Variants in TLE3 observed in about 807,000 individuals in gnomAD.
TLE3 encodes TLE family member 3, transcriptional corepressor.
Under a neutral mutation model 93.0 loss-of-function variants are expected in TLE3, and 14 were observed. That is an observed-to-expected ratio of 0.15 (90% CI 0.10 to 0.24). The LOEUF (loss-of-function observed/expected upper bound fraction) is 0.24. Among genes scored for constraint, TLE3 ranks in the 10% least tolerant of loss-of-function variants. The pLI, the probability that TLE3 is intolerant of heterozygous loss-of-function variation, is 1.00. For missense variants in TLE3, 693 were observed against 1,046.6 expected (o/e 0.66, Z 4.66); for synonymous variants, 451 against 425.0 (o/e 1.06, Z -0.75).
intron 3 of TLE3, 32 bp downstream of exon 3, chr15:70,095,546 A>C (rs1384546402): frequency 6.5e-7 from 1 of 1,547,958 alleles, no homozygotes; most frequent in Non-Finnish European, 8.7e-7. Context: ...TCGGCGCCCC[A>C]ACCGCCCCCC....
chr15:70,065,983 C>CCCCCCCCCCCCA, intron 7 of TLE3, 31 bp downstream of exon 7: 88 of 1,465,764 alleles, frequency 6.0e-5, no homozygotes, highest in African/African-American at 9.7e-5. Context: ...ACCCCTGCCC[C>CCCCCCCCCCCCA]GCCCCACCCT....
In TLE3 at chr15:70,049,514, TA is replaced by T. The variant is rs11324999; in HGVS notation, c.*582del. Reference sequence around the variant, plus strand: ...TCCCAGGTGAGAGCATCTGTTTATTTAAAAAAAAAAAAAAAAAAAAGCCACC... The same window carrying T: ...TCCCAGGTGAGAGCATCTGTTTATTTAAAAAAAAAAAAAAAAAAAGCCACC... On this transcript the variant is annotated 3_prime_UTR_variant, in exon 20 of 20. Coordinates refer to ENST00000451782, the MANE Select transcript of TLE3 (RefSeq NM_001105192.3). 37,972 of 122,010 alleles carry T rather than the reference TA, an allele frequency of 0.31. 5,814 individuals carry two copies. Among genetic ancestry groups the T allele is most frequent in the Admixed American group, 0.41 (4,987 of 12,210 alleles). 7.6% of individuals were successfully genotyped at this position (122,010 alleles called of 1,614,324 possible).
rs1182603460 is a variant in TLE3 at position 70,058,090 on chromosome 15, G to C, written c.1051+69C>G. ...TATCCCATGCGTGTGTGTCACCCCT[G>C]CCCTGGCCAAGAGCAGACCCCCTCC... On this transcript the variant is annotated intron_variant, in intron 12 of 19. Coordinates refer to ENST00000451782, the MANE Select transcript of TLE3 (RefSeq NM_001105192.3). This position sits in a 1 kb window ranked among gnomAD's most constrained non-coding sequence, Gnocchi z 4.1. 2 of 1,608,122 alleles carry C rather than the reference G, an allele frequency of 1.2e-6. No individual in the cohort carries two copies. The highest frequency in any genetic ancestry group is 4.5e-5 in the East Asian group (2 of 44,726).
In TLE3 at chr15:70,057,490, T is replaced by C. The variant is rs773991766; in HGVS notation, c.1220A>G (p.Tyr407Cys). 10 of 1,608,350 alleles carry C rather than the reference T, an allele frequency of 6.2e-6. No individual in the cohort carries two copies. Among genetic ancestry groups the C allele is most frequent in the Non-Finnish European group, 4.2e-6 (5 of 1,177,652 alleles). The change falls in exon 13 of 20, where the codon TAT becomes TGT. Residue 407 changes from tyrosine to cysteine, a missense_variant. Tyr to Cys is a radical substitution (Grantham distance 194). Coordinates refer to ENST00000451782, the MANE Select transcript of TLE3 (RefSeq NM_001105192.3). Reference sequence around the variant, plus strand: ...AAAGCTCACCATTGGCGATCGGCCATAGGCAGCGGCTGCAGCAGCGGCGGC... The same window carrying C: ...AAAGCTCACCATTGGCGATCGGCCACAGGCAGCGGCTGCAGCAGCGGCGGC... The part of the protein sequence containing the change: ...SAAAAAAAAA[Y>C]GRSPMVSFGA...
intron 3 of TLE3, 118 bp downstream of exon 3, chr15:70,095,460 G>T (rs776753838): frequency 1.3e-6 from 2 of 1,543,724 alleles, no homozygotes; most frequent in Admixed American, 4.0e-5. Context: ...CCCTCTCTCA[G>T]GGCCGCCCTG....
chr15:70,055,623 A>C, intron 14 of TLE3: 1 of 284,722 alleles, frequency 3.5e-6, no homozygotes, highest in Non-Finnish European at 6.6e-6. Context: ...GCCTGGCTGA[A>C]ATGCCACCTC....
intron 4 of TLE3, among the ~76,000 whole-genome samples, chr15:70,089,773 C>T (rs1298492576): frequency 6.6e-6 from 1 of 152,170 alleles, no homozygotes; most frequent in Non-Finnish European, 1.5e-5. Context: ...AACAATGAGA[C>T]AGAATGACAT....
intron 1 of TLE3, chr15:70,096,496 G>T: frequency 1.7e-6 from 2 of 1,193,104 alleles, no homozygotes; most frequent in African/African-American, 3.1e-5. Flanking sequence ...AGTAAGGCGG[G>T]GGCGGGAGAC....
chr15:70,072,881 T>A (rs1309399905), intron 6 of TLE3, among the ~76,000 whole-genome samples: 1 of 152,236 alleles, frequency 6.6e-6, no homozygotes, highest in Admixed American at 6.5e-5. Context: ...TGATCTCTGA[T>A]GATACTTTAA....
At chr15:70,083,733 C>T (rs1274272637) in intron 4 of TLE3, among the ~76,000 whole-genome samples, 20 of 151,874 alleles carry the variant, frequency 1.3e-4, no homozygotes, top group Admixed American at 1.3e-3. Flanking sequence ...AGTCACATTA[C>T]CCTTGCAGAG....
chr15:70,077,034 G>A (rs1250043449), intron 4 of TLE3, among the ~76,000 whole-genome samples: 1 of 152,220 alleles, frequency 6.6e-6, no homozygotes, highest in East Asian at 1.9e-4. Flanking sequence ...TCATTTTTTA[G>A]GATATAGCAT....
intron 19 of TLE3, 163 bp from the exon 20 acceptor site, chr15:70,050,367 AGAG>A (rs2055408568): frequency 1.2e-5 from 6 of 513,226 alleles, no homozygotes; most frequent in Non-Finnish European, 1.8e-5. Context: ...AGTGCGGTGA[AGAG>A]GAGGTGGGGG....
intron 8 of TLE3, among the ~76,000 whole-genome samples, chr15:70,064,248 A>T (rs1042373610): frequency 6.6e-6 from 1 of 152,214 alleles, no homozygotes; most frequent in African/African-American, 2.4e-5. Context: ...GCTCTGGACT[A>T]AGACATCAGC....
rs1271039086 is a variant in TLE3 at position 70,057,492 on chromosome 15, GGCAGCGGCTGCAGCA to G, written c.1203_1217del (p.Ala402_Ala406del). 1.2e-6 allele frequency: 2 copies of G among 1,608,188 alleles called. No homozygotes were observed. The highest frequency in any genetic ancestry group is 2.7e-5 in the African/African-American group (2 of 74,904). The stretch of plus-strand genomic sequence containing the variant: ...AGCTCACCATTGGCGATCGGCCATA[GGCAGCGGCTGCAGCA>G]GCGGCGGCGGCGCTCATCTGGGGTG... On this transcript the variant is annotated inframe_deletion, in exon 13 of 20. Coordinates refer to ENST00000451782, the MANE Select transcript of TLE3 (RefSeq NM_001105192.3).
chr15:70,094,779 T>C, intron 3 of TLE3: 3 of 563,046 alleles, frequency 5.3e-6, no homozygotes, highest in Admixed American at 3.3e-5. Flanking sequence ...CAACAGAACG[T>C]TATATTATGT....
chr15:70,088,722 A>G (rs1369203287), intron 4 of TLE3, among the ~76,000 whole-genome samples: 1 of 150,922 alleles, frequency 6.6e-6, no homozygotes, highest in African/African-American at 2.4e-5. Flanking sequence ...GCTGATGAGA[A>G]TTAAATATGG....
rs2055371999 is a variant in TLE3 at position 70,049,954 on chromosome 15, C to T, written c.*143G>A. The T allele has an allele frequency of 1.5e-6, 1 of 658,032 alleles. No individual in the cohort carries two copies. Among genetic ancestry groups the T allele is most frequent in the Non-Finnish European group, 2.7e-6 (1 of 372,896 alleles). The allele number at this position is 658,032 out of a possible 1,614,324, so 40.8% of individuals were successfully genotyped here. On this transcript the variant is annotated 3_prime_UTR_variant, in exon 20 of 20. Transcript: ENST00000451782. ...CAGACTGTGACGGGGCACGTGCCCT[C>T]TCAGCCGGCCGGAGCGCAGCCCTGA...
At chr15:70,082,737 G>T (rs1019135443) in intron 4 of TLE3, among the ~76,000 whole-genome samples, 1 of 152,240 alleles carries the variant, frequency 6.6e-6, no homozygotes, top group South Asian at 2.1e-4. Context: ...GCTGGCCTGA[G>T]CCGGCCTGTG....
At chr15:70,089,869 G>A (rs1313188613) in intron 4 of TLE3, among the ~76,000 whole-genome samples, 1 of 152,242 alleles carries the variant, frequency 6.6e-6, no homozygotes, top group South Asian at 2.1e-4. Flanking sequence ...TAGGTGGGAA[G>A]GAGGAGTTCA....
Sources: allele counts gnomAD v4.1 joint callset (sites outside exome capture counted in the v4.1 genomes callset), GRCh38; gene constraint gnomAD v4.1.1; non-coding constraint Gnocchi (gnomAD v3.1); transcripts MANE v1.5; gene names NCBI Gene and HGNC (gene_info 2026-07-23, HGNC 2026-07-21).